The following BDP1 variants were observed in gnomAD, a reference collection of about 807,000 sequenced individuals.
BDP1 encodes the protein transcription factor TFIIIB component B'' homolog.
In BDP1, 169 loss-of-function variants were observed where a neutral mutation model predicts 266.6. The observed-to-expected ratio is 0.63, with a 90% CI of 0.56 to 0.72. The LOEUF (loss-of-function observed/expected upper bound fraction) is 0.72. BDP1 is among the 30% of genes least tolerant of loss of function. The pLI, the probability that BDP1 is intolerant of heterozygous loss-of-function variation, is 0.00. For missense variants in BDP1, 3,015 were observed against 3,053.8 expected (o/e 0.99, Z 0.30); for synonymous variants, 1,090 against 1,022.4 (o/e 1.07, Z -1.26).
At position 71,562,258 on chromosome 5, in the gene BDP1, A is replaced by C. The variant is rs781548161; in HGVS notation, c.7497-16A>C. The C allele has an allele frequency of 3.3e-6, 5 of 1,506,216 alleles. No homozygotes were observed. The highest frequency in any genetic ancestry group is 4.5e-6 in the Non-Finnish European group (5 of 1,113,090). The allele number at this position is 1,506,216 out of a possible 1,614,324, so 93.3% of individuals were successfully genotyped here. A position where few individuals can be genotyped will look rare whatever the true frequency, so the allele number is the denominator to read the frequency against. On this transcript the variant is annotated splice_polypyrimidine_tract_variant and intron_variant, in intron 37 of 38. Coordinates refer to ENST00000358731, the MANE Select transcript of BDP1 (RefSeq NM_018429.3). ...TTCCTGGGTATTCTTGAATATCGTT[A>C]CATTTGTATTTCTAGACCTGGCAGA...
intron 25 of BDP1, among the ~76,000 whole-genome samples, chr5:71,526,914 G>C (rs185715853): frequency 7.2e-5 from 11 of 152,110 alleles, no homozygotes; most frequent in African/African-American, 2.6e-4. Flanking sequence ...TTGAACTCTT[G>C]ACCTCAAGCA....
At chr5:71,573,057 T>A in the BDP1 span, among the ~76,000 whole-genome samples, 7 of 151,970 alleles carry the variant, frequency 4.6e-5, no homozygotes, top group African/African-American at 1.7e-4. Flanking sequence ...GGTGAAACCC[T>A]GTCTCTACTA....
chr5:71,487,305 G>T (rs1195936704), intron 9 of BDP1, among the ~76,000 whole-genome samples: 1 of 151,866 alleles, frequency 6.6e-6, no homozygotes, highest in Non-Finnish European at 1.5e-5. Context: ...GCAGTGGCAC[G>T]ATCTCGACTC....
chr5:71,495,626 CTGTTATA>C (rs745470274), intron 12 of BDP1, among the ~76,000 whole-genome samples: 2 of 152,032 alleles, frequency 1.3e-5, no homozygotes, highest in Non-Finnish European at 2.9e-5. Context: ...TCTTTCATAT[CTGTTATA>C]TAATAATGAT....
At chr5:71,481,029 C>T (rs1012603326) in intron 7 of BDP1, among the ~76,000 whole-genome samples, 8 of 152,092 alleles carry the variant, frequency 5.3e-5, no homozygotes, top group African/African-American at 1.9e-4. Flanking sequence ...GAAAAATTAG[C>T]CAGGCGTGGT....
At chr5:71,463,404 G>A (rs1441420834) in intron 3 of BDP1, among the ~76,000 whole-genome samples, 1 of 152,134 alleles carries the variant, frequency 6.6e-6, no homozygotes, top group African/African-American at 2.4e-5. Flanking sequence ...TGGCCCTGTT[G>A]AAGAAAGGGC....
chr5:71,487,120 T>C (rs538551159), intron 9 of BDP1, among the ~76,000 whole-genome samples: 367 of 152,326 alleles, frequency 2.4e-3, no homozygotes, highest in Admixed American at 4.0e-3. Context: ...TTCTTAACTA[T>C]TTGAACTCTG....
At chr5:71,483,301 C>T (rs1362688483) in intron 7 of BDP1, among the ~76,000 whole-genome samples, 1 of 152,052 alleles carries the variant, frequency 6.6e-6, no homozygotes, top group East Asian at 1.9e-4. Context: ...TAAACATCTC[C>T]CTCTTAATGG....
downstream of BDP1, among the ~76,000 whole-genome samples, chr5:71,571,573 C>T (rs539558488): frequency 6.6e-6 from 1 of 152,144 alleles, no homozygotes; most frequent in Non-Finnish European, 1.5e-5. Flanking sequence ...GCATCAGAAT[C>T]ACCTTGGAGG....
chr5:71,503,105 T>C (rs1015392011), intron 15 of BDP1, among the ~76,000 whole-genome samples: 4 of 151,962 alleles, frequency 2.6e-5, no homozygotes, highest in Admixed American at 1.3e-4. Context: ...ATAATGTTTT[T>C]GTATTTTTAG....
At chr5:71,517,248 C>G in intron 21 of BDP1, 74 bp from the exon 22 acceptor site, 2 of 1,221,936 alleles carry the variant, frequency 1.6e-6, no homozygotes, top group Non-Finnish European at 2.3e-6. Flanking sequence ...AACTAAATAT[C>G]TTAATGGTGG....
Position 71,539,037 on chromosome 5 carries a change from T to A in BDP1, c.5893-5T>A. ...TAAGATGTTACTTATTTTTTTCCTT[T>A]TTAGGAAATGACCACAAGTGAACAT... is the stretch of plus-strand genomic sequence containing the variant. On this transcript the variant is annotated splice_region_variant and splice_polypyrimidine_tract_variant and intron_variant, in intron 26 of 38. Transcript: ENST00000358731. 1 of 1,595,642 alleles carries A rather than the reference T, an allele frequency of 6.3e-7. No homozygotes were observed. The highest frequency in any genetic ancestry group is 8.6e-7 in the Non-Finnish European group (1 of 1,166,854).
In BDP1 at chr5:71,510,352, T is replaced by G. The variant is rs570179947; in HGVS notation, c.3260T>G (p.Ile1087Arg). 14 of 1,610,886 alleles carry G rather than the reference T, an allele frequency of 8.7e-6. No individual in the cohort carries two copies. In the South Asian group the frequency reaches 1.4e-4, roughly 16 times the overall value. The change falls in exon 17 of 39, where the codon ATA becomes AGA. Residue 1087 changes from isoleucine (I) to arginine (R), a missense_variant. Physicochemically the swap from Ile to Arg is moderately conservative, Grantham distance 97. Transcript: ENST00000358731. ...TPEVIDAIEE[I>R]EIDLEETERE... is the part of the protein sequence containing the mutation. ...GAGGTGATTGATGCCATTGAGGAAATAGAGATAGATTTGGAAGAAACTGAA... is the reference window on the plus strand; with the variant it reads ...GAGGTGATTGATGCCATTGAGGAAAGAGAGATAGATTTGGAAGAAACTGAA...
At chr5:71,504,108 T>G (rs1404185809) in intron 15 of BDP1, among the ~76,000 whole-genome samples, 1 of 151,296 alleles carries the variant, frequency 6.6e-6, no homozygotes, top group Non-Finnish European at 1.5e-5. Context: ...CCTTCTCTAC[T>G]AAAAATACAA....
At chr5:71,473,195 T>G (rs1762369771) in intron 7 of BDP1, among the ~76,000 whole-genome samples, 1 of 151,628 alleles carries the variant, frequency 6.6e-6, no homozygotes, top group Admixed American at 6.6e-5. Context: ...TCTTTTTTTC[T>G]TAATTCATCT....
intron 36 of BDP1, among the ~76,000 whole-genome samples, chr5:71,558,260 C>T (rs1011532316): frequency 3.2e-5 from 2 of 62,716 alleles, no homozygotes; most frequent in African/African-American, 4.1e-5. Flanking sequence ...ATGGGCCAGG[C>T]GCAGTGGCTC....
chr5:71,506,738 G>C lies in BDP1; in HGVS notation c.2372+1987G>C, dbSNP rs1407012239. 2.8e-5 allele frequency among the ~76,000 whole-genome samples: 4 copies of C among 141,302 alleles called. No individual in the cohort carries two copies. The South Asian group carries it at 8.9e-4, about 32-fold the overall frequency. The allele number at this position is 141,302 out of a possible 152,430, so 92.7% of individuals were successfully genotyped here. On this transcript the variant is annotated intron_variant, in intron 16 of 38. Transcript: ENST00000358731. ...AGTTTTTTGTCATGATTGGTGATTT[G>C]GTGATGTTTGTTTGGAGGTTTATAT...
intron 8 of BDP1, among the ~76,000 whole-genome samples, 195 bp downstream of exon 8, chr5:71,484,091 G>C (rs375454512): frequency 1.5e-4 from 23 of 152,170 alleles, no homozygotes; most frequent in African/African-American, 5.5e-4. Context: ...AGATTATCCA[G>C]AACATCTAGG....
At position 71,478,644 on chromosome 5, in the gene BDP1, C is replaced by T. The variant is rs115725796; in HGVS notation, c.1015-5198C>T. On this transcript the variant is annotated intron_variant, in intron 7 of 38. Transcript: ENST00000358731. ...CTCATATATGATTAATTATATTTCTCTGGCTGTTTTCAGGATTTTTTTTTT... is the reference window on the plus strand; with the variant it reads ...CTCATATATGATTAATTATATTTCTTTGGCTGTTTTCAGGATTTTTTTTTT... Among the ~76,000 whole-genome samples the T allele has an allele frequency of 2.4e-3, 368 of 151,534 alleles. 2 individuals carry two copies. The highest frequency in any genetic ancestry group is 8.6e-3 in the African/African-American group (354 of 41,384).
Sources: allele counts gnomAD v4.1 joint callset (sites outside exome capture counted in the v4.1 genomes callset), GRCh38; gene constraint gnomAD v4.1.1; transcripts MANE v1.5; gene names NCBI Gene and HGNC (gene_info 2026-07-23, HGNC 2026-07-21).